Variants in THRAP3 observed in about 807,000 individuals in gnomAD.
The protein encoded by THRAP3 is thyroid hormone receptor-associated protein 3.
A neutral mutation model predicts 101.0 loss-of-function variants in THRAP3; 16 were observed. That is an observed-to-expected ratio of 0.16 (90% CI 0.11 to 0.24). The LOEUF is 0.24. Among genes scored for constraint, THRAP3 ranks in the 10% least tolerant of loss-of-function variants. THRAP3 has a pLI of 1.00. For missense variants in THRAP3, 989 were observed against 1,202.7 expected (o/e 0.82, Z 2.63); for synonymous variants, 407 against 422.6 (o/e 0.96, Z 0.45).
chr1:36,229,424 T>TTTTTTTTTTTG (rs1645001352), intron 1 of THRAP3, among the ~76,000 whole-genome samples: 3 of 24,966 alleles, frequency 1.2e-4, no homozygotes, highest in African/African-American at 3.4e-4. Context: ...TTTTTTTTTG[T>TTTTTTTTTTTG]TTTTTTTTTT....
At chr1:36,276,861 A>T (rs1645667420) in intron 2 of THRAP3, among the ~76,000 whole-genome samples, 1 of 152,200 alleles carries the variant, frequency 6.6e-6, no homozygotes, top group African/African-American at 2.4e-5. Context: ...CATCTCAAAA[A>T]ACATAAATAA....
At chr1:36,297,924 A>G (rs889335627) in intron 9 of THRAP3, among the ~76,000 whole-genome samples, 44 of 151,024 alleles carry the variant, frequency 2.9e-4, no homozygotes, top group African/African-American at 9.7e-4. Context: ...AGGCAGGAAG[A>G]TCACGTGGTC....
chr1:36,237,782 C>G (rs1452739245), intron 1 of THRAP3, among the ~76,000 whole-genome samples: 1 of 151,036 alleles, frequency 6.6e-6, no homozygotes, highest in Non-Finnish European at 1.5e-5. Context: ...ACAAAACAAA[C>G]AAACAAAAAA....
At chr1:36,274,625 CTTTTTT>C (rs573419051) in intron 2 of THRAP3, among the ~76,000 whole-genome samples, 2 of 59,318 alleles carry the variant, frequency 3.4e-5, no homozygotes, top group African/African-American at 6.4e-5. Context: ...ATTAATTGGG[CTTTTTT>C]TTTTTTTTTT....
chr1:36,259,289 A>G (rs1645414008), intron 1 of THRAP3, 93 bp from the exon 2 acceptor site: 1 of 396,162 alleles, frequency 2.5e-6, no homozygotes, highest in Non-Finnish European at 4.4e-6. Context: ...GCTGAGGGCT[A>G]AAGTAGGGTT....
At chr1:36,272,173 C>T (rs962637012) in intron 2 of THRAP3, among the ~76,000 whole-genome samples, 7 of 152,166 alleles carry the variant, frequency 4.6e-5, no homozygotes, top group Non-Finnish European at 8.8e-5. Flanking sequence ...TGAGTCACCA[C>T]GCCCAGCCTG....
At position 36,286,304 on chromosome 1, in the gene THRAP3, T is replaced by G; in HGVS notation, c.138-64T>G. On this transcript the variant is annotated intron_variant, in intron 3 of 11. Coordinates refer to ENST00000354618, the MANE Select transcript of THRAP3 (RefSeq NM_005119.4). This position sits in a 1 kb window ranked among gnomAD's most constrained non-coding sequence, Gnocchi z 5.5. ...TAAGGGCAGGGATTTCAGAACAGAT[T>G]TTTCTTGAATAAAAATGCTTGTGTC... The G allele has an allele frequency of 6.7e-7, 1 of 1,485,466 alleles. No homozygotes were observed. The highest frequency in any genetic ancestry group is 9.0e-7 in the Non-Finnish European group (1 of 1,105,772). 92.0% of individuals were successfully genotyped at this position (1,485,466 alleles called of 1,614,324 possible).
intron 11 of THRAP3, among the ~76,000 whole-genome samples, chr1:36,303,014 T>G (rs1418559306): frequency 1.3e-5 from 2 of 152,110 alleles, no homozygotes; most frequent in Non-Finnish European, 2.9e-5. Context: ...GGTATGATCT[T>G]GGCTCACTGC....
At chr1:36,235,034 G>A (rs557723735) in intron 1 of THRAP3, among the ~76,000 whole-genome samples, 83 of 152,106 alleles carry the variant, frequency 5.5e-4, no homozygotes, top group Middle Eastern at 3.4e-3. Context: ...GGCAGGTTTC[G>A]AACTCCTGAC....
At chr1:36,248,192 T>C (rs1645254739) in intron 1 of THRAP3, among the ~76,000 whole-genome samples, 1 of 152,146 alleles carries the variant, frequency 6.6e-6, no homozygotes, top group Admixed American at 6.6e-5. Flanking sequence ...CTTCATCTTT[T>C]AATATTTAAA....
chr1:36,293,028 C>CTTTTTTTTTTTTTTTTTTTTT lies in THRAP3; in HGVS notation c.2030+337_2030+338insTTTTTTTTTTTTTTTTTTTTT, dbSNP rs71053920. On this transcript the variant is annotated intron_variant, in intron 7 of 11. Transcript: ENST00000354618. ...AGTAAATGCTAGTTTCTTTTCTTGT[C>CTTTTTTTTTTTTTTTTTTTTT]TTTTTTTTTTTTTTTTTTGAGATGG... 2.2e-4 allele frequency among the ~76,000 whole-genome samples: 18 copies of CTTTTTTTTTTTTTTTTTTTTT among 82,798 alleles called. 4 individuals carry two copies. The highest frequency in any genetic ancestry group is 1.0e-3 in the South Asian group (2 of 1,952). The allele number at this position is 82,798 out of a possible 152,430, so 54.3% of individuals were successfully genotyped here. A position where few individuals can be genotyped will look rare whatever the true frequency, so the allele number is the denominator to read the frequency against.
chr1:36,239,509 C>A (rs756486018), intron 1 of THRAP3, among the ~76,000 whole-genome samples: 2 of 152,194 alleles, frequency 1.3e-5, no homozygotes, highest in Non-Finnish European at 1.5e-5. Context: ...TCAAGTAATC[C>A]TCTCACCTCG....
chr1:36,229,423 G>GTTTTTTTTTTTTGT (rs1645001277), intron 1 of THRAP3, among the ~76,000 whole-genome samples: 2 of 38,922 alleles, frequency 5.1e-5, no homozygotes, highest in African/African-American at 1.4e-4. Context: ...TTTTTTTTTT[G>GTTTTTTTTTTTTGT]TTTTTTTTTT....
chr1:36,275,774 C>T (rs1324345420), intron 2 of THRAP3, among the ~76,000 whole-genome samples: 1 of 151,800 alleles, frequency 6.6e-6, no homozygotes, highest in Non-Finnish European at 1.5e-5. Flanking sequence ...GTAATCCCAA[C>T]ACTTGGGAGG....
At chr1:36,209,901 G>T in the THRAP3 span, among the ~76,000 whole-genome samples, 2 of 152,172 alleles carry the variant, frequency 1.3e-5, no homozygotes, top group Non-Finnish European at 2.9e-5. Context: ...GGAGTCAAGC[G>T]TGGAAAAAGA....
At chr1:36,254,172 GAA>G (rs1645344558) in intron 1 of THRAP3, among the ~76,000 whole-genome samples, 1 of 151,946 alleles carries the variant, frequency 6.6e-6, no homozygotes, top group African/African-American at 2.4e-5. Flanking sequence ...CACGTCTCAA[GAA>G]AAAAAGTCTG....
chr1:36,250,492 G>A lies in THRAP3; in HGVS notation c.-134-8890G>A, dbSNP rs186042658. ...CTCCCAAAGTTCTGGGATTACAGGC[G>A]GTATATTCTTATAATCAGAGATTTA... On this transcript the variant is annotated intron_variant, in intron 1 of 11. Coordinates refer to ENST00000354618, the MANE Select transcript of THRAP3 (RefSeq NM_005119.4). Among the ~76,000 whole-genome samples the A allele has an allele frequency of 1.2e-3, 190 of 152,018 alleles. 1 individual carries two copies. The highest frequency in any genetic ancestry group is 4.0e-3 in the African/African-American group (167 of 41,460).
intron 5 of THRAP3, among the ~76,000 whole-genome samples, chr1:36,290,043 C>G (rs528796645): frequency 1.3e-5 from 2 of 152,304 alleles, no homozygotes; most frequent in African/African-American, 4.8e-5. Context: ...AATGCTGTTT[C>G]TTGTATTTAA....
At chr1:36,253,189 T>G (rs182939115) in intron 1 of THRAP3, among the ~76,000 whole-genome samples, 5 of 152,080 alleles carry the variant, frequency 3.3e-5, no homozygotes, top group Admixed American at 2.0e-4. Context: ...AATACATTAA[T>G]CATTGAGCAT....
Sources: gnomAD v4.1 joint callset for allele counts (sites outside exome capture counted in the v4.1 genomes callset) on GRCh38, gnomAD v4.1.1 for gene constraint, Gnocchi (gnomAD v3.1) non-coding constraint, MANE v1.5 for transcripts, NCBI Gene and HGNC (gene_info 2026-07-23, HGNC 2026-07-21) for gene names.